The following NADK2 variants were observed in gnomAD, a reference collection of about 807,000 sequenced individuals.
NADK2 encodes the protein NAD kinase domain-containing protein 1, mitochondrial.
In NADK2, 35 loss-of-function variants were observed where a neutral mutation model predicts 62.1. The ratio of observed to expected loss-of-function variants is 0.56; its 90% CI spans 0.43 to 0.75. The LOEUF is 0.75. NADK2 is among the 30% of genes least tolerant of loss of function. NADK2 has a pLI of 0.00. For synonymous variants in NADK2, 205 were observed against 207.9 expected (o/e 0.99, Z 0.12); for missense variants, 439 against 561.3 (o/e 0.78, Z 2.20).
upstream of NADK2, chr5:36,242,011 A>AC (rs1312880070): frequency 4.6e-5 from 12 of 260,626 alleles, no homozygotes; most frequent in Admixed American, 4.5e-4. Flanking sequence ...GAAACGGGAG[A>AC]CCCCACGCGG....
At chr5:36,201,308 G>C (rs1579598394) in intron 8 of NADK2, 147 bp from the exon 9 acceptor site, 2 of 663,618 alleles carry the variant, frequency 3.0e-6, no homozygotes, top group East Asian at 5.4e-5. Flanking sequence ...TAAATAATGT[G>C]CTAGTATGGG....
intron 9 of NADK2, among the ~76,000 whole-genome samples, 192 bp from the exon 10 acceptor site, chr5:36,200,472 GC>G (rs796982658): frequency 6.6e-6 from 1 of 151,476 alleles, no homozygotes; most frequent in Non-Finnish European, 1.5e-5. Flanking sequence ...ATAAACAGTA[GC>G]CCCCCCTCGC....
At chr5:36,201,015 A>T (rs1449683920) in intron 9 of NADK2, 91 bp downstream of exon 9, 2 of 1,005,194 alleles carry the variant, frequency 2.0e-6, no homozygotes, top group African/African-American at 3.2e-5. Flanking sequence ...AGGGTTTGGT[A>T]GTATCCAAGG....
At chr5:36,213,043 C>T (rs1339682546) in intron 6 of NADK2, 15 of 152,184 alleles carry the variant, frequency 9.9e-5, no homozygotes, top group Admixed American at 9.8e-4. Flanking sequence ...ACATGAACAA[C>T]CCTTTGGAGA....
Position 36,200,293 on chromosome 5 carries a change from G to A in NADK2, c.1013-13C>T. On this transcript the variant is annotated splice_polypyrimidine_tract_variant and intron_variant, in intron 9 of 11. Transcript: ENST00000381937. ...CCTTGTCGTTTTGCTGTTGAAAAAG[G>A]AAAGGGGGAAAATGTATGTTATAAA... 1 of 1,569,326 alleles carries A rather than the reference G, an allele frequency of 6.4e-7. No individual in the cohort carries two copies. The highest frequency in any genetic ancestry group is 1.7e-4 in the Middle Eastern group (1 of 5,854).
At chr5:36,240,219 C>T (rs1034207812) in intron 1 of NADK2, among the ~76,000 whole-genome samples, 12 of 152,136 alleles carry the variant, frequency 7.9e-5, no homozygotes, top group Admixed American at 6.5e-4. Context: ...CAAGTGTATT[C>T]TATAAACAGT....
At chr5:36,227,886 C>T (rs1336728249) in intron 1 of NADK2, among the ~76,000 whole-genome samples, 1 of 149,810 alleles carries the variant, frequency 6.7e-6, no homozygotes, top group Non-Finnish European at 1.5e-5. Flanking sequence ...GCTCTGTTGC[C>T]CAGGCTGGAG....
intron 7 of NADK2, among the ~76,000 whole-genome samples, 165 bp downstream of exon 7, chr5:36,211,679 C>T (rs1222219667): frequency 6.6e-6 from 1 of 152,152 alleles, no homozygotes; most frequent in Non-Finnish European, 1.5e-5. Context: ...CCCCTTAATA[C>T]ATATTAACAT....
chr5:36,206,779 A>G (rs1237863707), intron 8 of NADK2, among the ~76,000 whole-genome samples: 1 of 152,154 alleles, frequency 6.6e-6, no homozygotes, highest in Non-Finnish European at 1.5e-5. Flanking sequence ...ATTATAGAGT[A>G]AACAGGACAT....
chr5:36,234,216 T>C (rs976775410), intron 1 of NADK2, among the ~76,000 whole-genome samples: 2 of 150,638 alleles, frequency 1.3e-5, no homozygotes, highest in Non-Finnish European at 3.0e-5. Flanking sequence ...CTACTAAAAA[T>C]ACAAAAATTA....
chr5:36,228,113 C>T (rs142167940), intron 1 of NADK2, among the ~76,000 whole-genome samples: 10 of 152,170 alleles, frequency 6.6e-5, no homozygotes, highest in East Asian at 3.9e-4. Context: ...ATTTACCTTA[C>T]GAAATCTAAA....
Position 36,241,158 on chromosome 5 carries a change from G to A in NADK2, c.300+341C>T, listed in dbSNP as rs1184278070. On this transcript the variant is annotated intron_variant, in intron 1 of 11. Coordinates refer to ENST00000381937, the MANE Select transcript of NADK2 (RefSeq NM_001085411.3). This position sits in a 1 kb window ranked among gnomAD's most constrained non-coding sequence, Gnocchi z 4.9. ...GGGTCCCAACCAGGGAACGAGGGCG[G>A]GGGCGGCGAGGGCACCAACGAATCC... 6.6e-6 allele frequency among the ~76,000 whole-genome samples: 1 copy of A among 152,184 alleles called. No homozygotes were observed. The highest frequency in any genetic ancestry group is 1.5e-5 in the Non-Finnish European group (1 of 68,022).
Position 36,195,162 on chromosome 5 carries a change from A to C in NADK2, c.1311T>G (p.Thr437=). The part of the protein sequence containing the change: ...MMINKEDELR[T]VLLEQ The stretch of plus-strand genomic sequence containing the variant: ...AAATCCTTCACTGTTCAAGAAGCAC[A>C]GTTCGAAGCTCATCTTCTTTATTGA... Residue 437 remains threonine, a synonymous_variant, in exon 12 of 12, where the codon ACT becomes ACG. Coordinates refer to ENST00000381937, the MANE Select transcript of NADK2 (RefSeq NM_001085411.3). 6.2e-7 allele frequency: 1 copy of C among 1,610,354 alleles called. No individual in the cohort carries two copies. The highest frequency in any genetic ancestry group is 1.1e-5 in the South Asian group (1 of 90,034).
rs78923858 is a variant in NADK2, at chr5:36,208,311, C to A, written c.861-1046G>T. Reference sequence around the variant, plus strand: ...CCTAATATTCACATTTAATCTATTTCATAGCTTTGTTATGTCTTCCTAGAA... The same window carrying A: ...CCTAATATTCACATTTAATCTATTTAATAGCTTTGTTATGTCTTCCTAGAA... On this transcript the variant is annotated intron_variant, in intron 7 of 11. Coordinates refer to ENST00000381937, the MANE Select transcript of NADK2 (RefSeq NM_001085411.3). Among the ~76,000 whole-genome samples the A allele has an allele frequency of 0.011, 1,611 of 152,102 alleles. 121 individuals carry two copies. The East Asian group carries it at 0.18, about 17-fold the overall frequency.
rs1035071388 is a variant in NADK2 at position 36,192,894 on chromosome 5, A to G, written c.*2250T>C. On this transcript the variant is annotated 3_prime_UTR_variant, in exon 12 of 12. Transcript: ENST00000381937. ...TGTTAAAAAGAAGAGGTAACAGTGG[A>G]GTAATTTTATTCACATAGGGTTGCG... 6.6e-6 allele frequency: 1 copy of G among 152,214 alleles called. No individual in the cohort carries two copies. The highest frequency in any genetic ancestry group is 1.5e-5 in the Non-Finnish European group (1 of 68,028). The allele number at this position is 152,214 out of a possible 1,614,324, so 9.4% of individuals were successfully genotyped here. A position where few individuals can be genotyped will look rare whatever the true frequency, so the allele number is the denominator to read the frequency against.
intron 11 of NADK2, among the ~76,000 whole-genome samples, 185 bp from the exon 12 acceptor site, chr5:36,195,467 G>A (rs993359765): frequency 6.6e-6 from 1 of 152,092 alleles, no homozygotes; most frequent in African/African-American, 2.4e-5. Context: ...CGTTCAGGAT[G>A]GCACCATTCG....
At chr5:36,195,918 T>C (rs1230229871) in intron 11 of NADK2, among the ~76,000 whole-genome samples, 26 of 152,254 alleles carry the variant, frequency 1.7e-4, no homozygotes, top group Admixed American at 1.7e-3. Flanking sequence ...GTGGTGCCTG[T>C]CTTTTCCTCA....
At chr5:36,208,522 CA>C in intron 7 of NADK2, 1 of 803,564 alleles carries the variant, frequency 1.2e-6, no homozygotes, top group East Asian at 2.7e-5. Context: ...AAATAATGAG[CA>C]AATTTAGTGT....
chr5:36,240,905 A>G (rs1748084169), intron 1 of NADK2, among the ~76,000 whole-genome samples: 1 of 152,326 alleles, frequency 6.6e-6, no homozygotes, highest in South Asian at 2.1e-4. Context: ...ACAAGCTCGT[A>G]GTGTCCAACG....
Sources: allele counts gnomAD v4.1 joint callset (sites outside exome capture counted in the v4.1 genomes callset), GRCh38; gene constraint gnomAD v4.1.1; non-coding constraint Gnocchi (gnomAD v3.1); transcripts MANE v1.5; gene names NCBI Gene and HGNC (gene_info 2026-07-23, HGNC 2026-07-21).